KCNJ5: variants seen among roughly 807,000 people sequenced by gnomAD.
KCNJ5 encodes G protein-activated inward rectifier potassium channel 4.
A neutral mutation model predicts 20.2 loss-of-function variants in KCNJ5; 12 were observed. The ratio of observed to expected loss-of-function variants is 0.59; its 90% CI spans 0.38 to 0.96. The LOEUF (loss-of-function observed/expected upper bound fraction) is 0.96. Ranked by LOEUF, KCNJ5 falls within the 40% of genes least tolerant of loss-of-function variation. The pLI, the probability that KCNJ5 is intolerant of heterozygous loss-of-function variation, is 0.00. For missense variants in KCNJ5, 449 were observed against 557.6 expected (o/e 0.81, Z 1.96); for synonymous variants, 210 against 213.9 (o/e 0.98, Z 0.16).
chr11:128,895,382 A>ACCC lies in KCNJ5; in HGVS notation c.-11+3669_-11+3671dup, dbSNP rs59889127. ...TGTCTTCCCCTTAGAGTGTGCCCCC[A>ACCC]CCCCCCCCCCAACCCCAGGGATGAC... On this transcript the variant is annotated intron_variant, in intron 1 of 2. Coordinates refer to ENST00000529694, the MANE Select transcript of KCNJ5 (RefSeq NM_000890.5). Among the ~76,000 whole-genome samples, 817 of 141,000 alleles carry ACCC rather than the reference A, an allele frequency of 5.8e-3. 10 individuals are homozygous for ACCC. The highest frequency in any genetic ancestry group is 0.019 in the African/African-American group (713 of 37,418). The allele number at this position is 141,000 out of a possible 152,430, so 92.5% of individuals were successfully genotyped here.
At position 128,892,188 on chromosome 11, in the gene KCNJ5, C is replaced by A. The variant is rs1434717994; in HGVS notation, c.-11+467C>A. 3.3e-5 allele frequency among the ~76,000 whole-genome samples: 5 copies of A among 152,232 alleles called. No individual in the cohort carries two copies. The East Asian group carries it at 9.6e-4, about 29-fold the overall frequency. ...AGTGTGGCCAAACTGGAAACACGGCCTTGTGATTTCTGCCCCCCTCGCTGC... is the reference window on the plus strand; with the variant it reads ...AGTGTGGCCAAACTGGAAACACGGCATTGTGATTTCTGCCCCCCTCGCTGC... On this transcript the variant is annotated intron_variant, in intron 1 of 2. Transcript: ENST00000529694.
At chr11:128,915,158 G>T (rs1310965572) in intron 2 of KCNJ5, among the ~76,000 whole-genome samples, 1 of 152,240 alleles carries the variant, frequency 6.6e-6, no homozygotes, top group African/African-American at 2.4e-5. Flanking sequence ...GCCTTCCTTG[G>T]CCAGAAGATT....
At chr11:128,902,123 G>C (rs971632659) in intron 1 of KCNJ5, 3 of 187,506 alleles carry the variant, frequency 1.6e-5, no homozygotes, top group African/African-American at 7.1e-5. Flanking sequence ...TGGAGCCCCT[G>C]GGAGCCCATG....
At chr11:128,914,354 C>A (rs1480563383) in intron 2 of KCNJ5, among the ~76,000 whole-genome samples, 1 of 152,206 alleles carries the variant, frequency 6.6e-6, no homozygotes, top group East Asian at 1.9e-4. Flanking sequence ...CCGCTGCACC[C>A]CCAACCACAC....
At chr11:128,895,098 G>A (rs1005763251) in intron 1 of KCNJ5, among the ~76,000 whole-genome samples, 1 of 151,968 alleles carries the variant, frequency 6.6e-6, no homozygotes, top group African/African-American at 2.4e-5. Flanking sequence ...GGGTGAGGGT[G>A]GGGGAGAAAT....
rs2136005551 is a variant in KCNJ5 at position 128,918,014 on chromosome 11, C to G, written c.*1283C>G. ...AGGTTGCAGTGAGCCAAGATCATGCCACTGCACTCCAGCCTGGGCGACAGA... is the reference window on the plus strand; with the variant it reads ...AGGTTGCAGTGAGCCAAGATCATGCGACTGCACTCCAGCCTGGGCGACAGA... On this transcript the variant is annotated 3_prime_UTR_variant, in exon 3 of 3. Coordinates refer to ENST00000529694, the MANE Select transcript of KCNJ5 (RefSeq NM_000890.5). 6.6e-6 allele frequency: 1 copy of G among 152,186 alleles called. No homozygotes were observed. Among genetic ancestry groups the G allele is most frequent in the South Asian group, 2.1e-4 (1 of 4,830 alleles). The allele number at this position is 152,186 out of a possible 1,614,324, so 9.4% of individuals were successfully genotyped here.
At chr11:128,916,270 A>ATGGATGGT in intron 2 of KCNJ5, 139 bp from the exon 3 acceptor site, 2 of 703,874 alleles carry the variant, frequency 2.8e-6, no homozygotes, top group Non-Finnish European at 5.1e-6. Flanking sequence ...GGATGGATGG[A>ATGGATGGT]TGGATGGATG....
At chr11:128,905,593 G>A (rs1168845533) in intron 1 of KCNJ5, 1 of 152,630 alleles carries the variant, frequency 6.6e-6, no homozygotes, top group Non-Finnish European at 1.5e-5. Context: ...ATGGCGGGGT[G>A]GCGGGAGGGG....
chr11:128,912,494 A>G (rs181156492), intron 2 of KCNJ5, among the ~76,000 whole-genome samples: 12 of 128,604 alleles, frequency 9.3e-5, no homozygotes, highest in Admixed American at 8.8e-4. Flanking sequence ...ATAGTGGGTT[A>G]TTGTTGTTGT....
chr11:128,900,353 TG>T (rs1430642484), intron 1 of KCNJ5: 1 of 152,258 alleles, frequency 6.6e-6, no homozygotes, highest in Non-Finnish European at 1.5e-5. Context: ...CTCAGTATTT[TG>T]GTTTCTTTAA....
intron 1 of KCNJ5, chr11:128,904,316 AC>A: frequency 2.0e-6 from 3 of 1,465,782 alleles, no homozygotes; most frequent in Admixed American, 3.8e-5. Context: ...TCAGGACTGC[AC>A]CCTGGCCTCT....
rs1944087840 is a variant in KCNJ5 at position 128,891,462 on chromosome 11, A to T, written c.-270A>T. 6.6e-6 allele frequency: 1 copy of T among 151,930 alleles called. No homozygotes were observed. Among genetic ancestry groups the T allele is most frequent in the Non-Finnish European group, 1.5e-5 (1 of 68,488 alleles). 9.4% of individuals were successfully genotyped at this position (151,930 alleles called of 1,614,324 possible). A position where few individuals can be genotyped will look rare whatever the true frequency, so the allele number is the denominator to read the frequency against. ...CACACAGAGAGAGAGAGAGAGAGAG[A>T]GAGAGAGAGAGAGATTGTTCCAGCT... On this transcript the variant is annotated 5_prime_UTR_variant, in exon 1 of 3. Transcript: ENST00000529694.
chr11:128,912,562 G>C (rs1263039775), intron 2 of KCNJ5, among the ~76,000 whole-genome samples: 1 of 152,120 alleles, frequency 6.6e-6, no homozygotes, highest in Non-Finnish European at 1.5e-5. Flanking sequence ...CCAGGCTAGA[G>C]TGCAGTGGCC....
Position 128,916,803 on chromosome 11 carries a change from G to A in KCNJ5, c.*72G>A, listed in dbSNP as rs1467879633. On this transcript the variant is annotated 3_prime_UTR_variant, in exon 3 of 3. Coordinates refer to ENST00000529694, the MANE Select transcript of KCNJ5 (RefSeq NM_000890.5). ...CAGACACTGCAGAGCCTGGGAGCAG[G>A]GGAGGGGAATAGTTGAGTGTGCTGT... 8 of 1,207,018 alleles carry A rather than the reference G, an allele frequency of 6.6e-6. No homozygotes were observed. The highest frequency in any genetic ancestry group is 9.3e-6 in the Non-Finnish European group (8 of 861,120). The allele number at this position is 1,207,018 out of a possible 1,614,324, so 74.8% of individuals were successfully genotyped here.
At chr11:128,904,721 A>C in intron 1 of KCNJ5, 2 of 587,840 alleles carry the variant, frequency 3.4e-6, no homozygotes, top group Admixed American at 2.9e-5. Context: ...GCTCAACATA[A>C]TTCAAACACC....
chr11:128,894,060 TG>T (rs1367559608), intron 1 of KCNJ5, among the ~76,000 whole-genome samples: 7 of 152,250 alleles, frequency 4.6e-5, no homozygotes, highest in South Asian at 4.1e-4. Context: ...ACGACTAGAA[TG>T]CCCATTCTCT....
intron 1 of KCNJ5, chr11:128,902,490 T>C: frequency 6.5e-7 from 1 of 1,546,140 alleles, no homozygotes; most frequent in Non-Finnish European, 8.8e-7. Context: ...GGAACAGGGA[T>C]GTCATAGCAG....
In KCNJ5 at chr11:128,911,847, C is replaced by T; in HGVS notation, c.574C>T (p.Gln192Ter). 1 of 1,614,098 alleles carries T rather than the reference C, an allele frequency of 6.2e-7. No homozygotes were observed. The highest frequency in any genetic ancestry group is 1.1e-5 in the South Asian group (1 of 91,082). ...MVGCMFVKIS[Q>*]PKKRAETLMF... ...GGGGTGCATGTTTGTCAAGATCAGC[C>T]AGCCCAAGAAGAGAGCGGAGACCCT... Residue 192 changes from glutamine (Q) to a stop codon, truncating the protein, a stop_gained, in exon 2 of 3, where the codon CAG becomes TAG. Coordinates refer to ENST00000529694, the MANE Select transcript of KCNJ5 (RefSeq NM_000890.5). LOFTEE classifies it high-confidence loss of function. The surrounding 1 kb of genome is among the most constrained non-coding windows in gnomAD (Gnocchi z 6.3).
rs1944657293 is a variant in KCNJ5, at chr11:128,920,997, G to A, written c.*4266G>A. ...TTAGACAGGGAAGAATTGCTTTCGG[G>A]GAGAAGCCACTTACTCGGCTCGCCT... On this transcript the variant is annotated 3_prime_UTR_variant, in exon 3 of 3. Transcript: ENST00000529694. The A allele has an allele frequency of 6.6e-6, 1 of 152,226 alleles. No homozygotes were observed. Among genetic ancestry groups the A allele is most frequent in the Admixed American group, 6.5e-5 (1 of 15,282 alleles). 9.4% of individuals were successfully genotyped at this position (152,226 alleles called of 1,614,324 possible).
Sources: gnomAD v4.1 joint callset for allele counts (sites outside exome capture counted in the v4.1 genomes callset) on GRCh38, gnomAD v4.1.1 for gene constraint, Gnocchi (gnomAD v3.1) non-coding constraint, MANE v1.5 for transcripts, NCBI Gene and HGNC (gene_info 2026-07-23, HGNC 2026-07-21) for gene names.